ANKHD1: variants seen among roughly 807,000 people sequenced by gnomAD.
ANKHD1 encodes the protein ankyrin repeat and KH domain-containing protein 1.
Under a neutral mutation model 230.5 loss-of-function variants are expected in ANKHD1, and 31 were observed. The observed-to-expected ratio is 0.13, with a 90% CI of 0.10 to 0.18. The LOEUF (loss-of-function observed/expected upper bound fraction) is 0.18, where lower values mean the gene tolerates loss of function less well. ANKHD1 is among the 10% of genes least tolerant of loss of function. ANKHD1 has a pLI of 1.00. For missense variants in ANKHD1, 2,256 were observed against 3,071.3 expected, an observed-to-expected ratio of 0.73 and a Z score of 6.27; for synonymous variants, 1,074 against 1,117.6, an observed-to-expected ratio of 0.96 and a Z score of 0.78.
chr5:140,511,693 A>G (rs1484651580), intron 22 of ANKHD1, among the ~76,000 whole-genome samples: 1 of 152,234 alleles, frequency 6.6e-6, no homozygotes, highest in East Asian at 1.9e-4. Context: ...TGCAATTTAC[A>G]TATAGTGAAA....
At chr5:140,478,587 A>G (rs1751094066) in intron 10 of ANKHD1, among the ~76,000 whole-genome samples, 1 of 152,164 alleles carries the variant, frequency 6.6e-6, no homozygotes, top group Admixed American at 6.5e-5. Context: ...TATAGAAGGT[A>G]AAGGTTCAAA....
chr5:140,489,274 G>A (rs944119897), intron 14 of ANKHD1, among the ~76,000 whole-genome samples: 20 of 151,696 alleles, frequency 1.3e-4, no homozygotes, highest in African/African-American at 4.8e-5. Context: ...TTGGGAGGCC[G>A]AGGCAGAATG....
intron 1 of ANKHD1, among the ~76,000 whole-genome samples, chr5:140,426,493 T>C (rs771322743): frequency 2.6e-4 from 40 of 151,744 alleles, no homozygotes; most frequent in Non-Finnish European, 5.6e-4. Context: ...AGTCTTTCCT[T>C]GAACTTTTTT....
intron 3 of ANKHD1, 85 bp from the exon 4 acceptor site, chr5:140,440,034 T>C: frequency 1.5e-6 from 2 of 1,356,724 alleles, no homozygotes; most frequent in Admixed American, 2.9e-5. Context: ...TTTTTCTTTG[T>C]GTGACTATTT....
At chr5:140,448,699 T>C (rs998287147) in intron 6 of ANKHD1, among the ~76,000 whole-genome samples, 7 of 152,258 alleles carry the variant, frequency 4.6e-5, no homozygotes, top group Non-Finnish European at 1.0e-4. Context: ...TATCATTTCA[T>C]ATCTGTCACC....
At chr5:140,532,004 C>T (rs779153277) in intron 29 of ANKHD1, among the ~76,000 whole-genome samples, 18 of 151,910 alleles carry the variant, frequency 1.2e-4, no homozygotes, top group Non-Finnish European at 1.9e-4. Flanking sequence ...ATCAGAAGTT[C>T]GAGACCAGCC....
At chr5:140,421,596 C>CTTACTTG (rs1771988226) in intron 1 of ANKHD1, among the ~76,000 whole-genome samples, 1 of 152,068 alleles carries the variant, frequency 6.6e-6, no homozygotes, top group African/African-American at 2.4e-5. Context: ...CCACCGTGCC[C>CTTACTTG]GGCCGAGTTT....
intron 10 of ANKHD1, among the ~76,000 whole-genome samples, chr5:140,479,615 C>T (rs1393319204): frequency 2.0e-5 from 3 of 150,776 alleles, no homozygotes; most frequent in Non-Finnish European, 4.4e-5. Context: ...TTATTGATTC[C>T]CATTATATAC....
At chr5:140,536,536 CAA>C (rs1339727102) in intron 30 of ANKHD1, among the ~76,000 whole-genome samples, 1 of 152,022 alleles carries the variant, frequency 6.6e-6, no homozygotes, top group African/African-American at 2.4e-5. Flanking sequence ...CCAAATCACC[CAA>C]GAGTTCCATT....
intron 22 of ANKHD1, among the ~76,000 whole-genome samples, chr5:140,510,731 A>G (rs1287481324): frequency 6.6e-6 from 1 of 152,122 alleles, no homozygotes; most frequent in Non-Finnish European, 1.5e-5. Context: ...TTTAAGAAAA[A>G]CTATTATATG....
At chr5:140,460,494 A>G (rs920537006) in intron 9 of ANKHD1, among the ~76,000 whole-genome samples, 3 of 152,078 alleles carry the variant, frequency 2.0e-5, no homozygotes, top group Non-Finnish European at 4.4e-5. Context: ...TTGAATTATT[A>G]TTGAAATAAT....
At chr5:140,410,426 C>T (rs527577257) in intron 1 of ANKHD1, among the ~76,000 whole-genome samples, 1 of 152,040 alleles carries the variant, frequency 6.6e-6, no homozygotes, top group South Asian at 2.1e-4. Context: ...CAGTTCTGGC[C>T]TTCTGATTCA....
chr5:140,501,518 G>A (rs1445182976), intron 15 of ANKHD1, among the ~76,000 whole-genome samples: 1 of 151,984 alleles, frequency 6.6e-6, no homozygotes, highest in Non-Finnish European at 1.5e-5. Context: ...GGGAGGCCAA[G>A]GCGAGCAGAT....
chr5:140,426,751 A>G (rs1212577912), intron 1 of ANKHD1, among the ~76,000 whole-genome samples: 1 of 152,170 alleles, frequency 6.6e-6, no homozygotes, highest in Admixed American at 6.5e-5. Flanking sequence ...GCATCTGTTT[A>G]ACAAAGCACA....
In ANKHD1 at chr5:140,485,466, G is replaced by T; in HGVS notation, c.1999-123G>T. 4 of 1,314,536 alleles carry T rather than the reference G, an allele frequency of 3.0e-6. No individual in the cohort carries two copies. Among genetic ancestry groups the T allele is most frequent in the Non-Finnish European group, 2.0e-6 (2 of 990,302 alleles). The allele number at this position is 1,314,536 out of a possible 1,614,324, so 81.4% of individuals were successfully genotyped here. ...TATATATATAAATAATATGTGTATAGTTATAAAAATATGTTTGATCTATCT... is the reference window on the plus strand; with the variant it reads ...TATATATATAAATAATATGTGTATATTTATAAAAATATGTTTGATCTATCT... On this transcript the variant is annotated intron_variant, in intron 12 of 33. Coordinates refer to ENST00000360839, the MANE Select transcript of ANKHD1 (RefSeq NM_017747.3). The surrounding 1 kb of genome is among the most constrained non-coding windows in gnomAD (Gnocchi z 4.8).
chr5:140,434,515 G>A (rs992631908), intron 1 of ANKHD1, among the ~76,000 whole-genome samples: 1 of 150,098 alleles, frequency 6.7e-6, no homozygotes, highest in Non-Finnish European at 1.5e-5. Flanking sequence ...CATATATTAT[G>A]TAAATAATAT....
At chr5:140,495,346 C>T (rs188111106) in intron 14 of ANKHD1, among the ~76,000 whole-genome samples, 5 of 151,370 alleles carry the variant, frequency 3.3e-5, no homozygotes, top group Admixed American at 6.6e-5. Flanking sequence ...CCCGGGTTCA[C>T]GCCATTCTCC....
chr5:140,459,301 A>G lies in ANKHD1; in HGVS notation c.1618A>G (p.Met540Val), dbSNP rs974295771. Residue 540 changes from methionine (M) to valine (V), a missense_variant, in exon 9 of 34, where the codon ATG becomes GTG. Physicochemically the swap from Met to Val is conservative, Grantham distance 21. Transcript: ENST00000360839. Reference sequence around the variant, plus strand: ...AGAACTTGGCTGCTCCACACCTCTGATGGAGGCATCTCAGGAGGGACACCT... The same window carrying G: ...AGAACTTGGCTGCTCCACACCTCTGGTGGAGGCATCTCAGGAGGGACACCT... ...DIELGCSTPL[M>V]EASQEGHLEL... 8 of 1,591,328 alleles carry G rather than the reference A, an allele frequency of 5.0e-6. No individual in the cohort carries two copies. The highest frequency in any genetic ancestry group is 6.9e-6 in the Non-Finnish European group (8 of 1,164,576).
chr5:140,445,671 A>G, intron 5 of ANKHD1, 71 bp from the exon 6 acceptor site: 2 of 1,273,224 alleles, frequency 1.6e-6, no homozygotes, highest in Non-Finnish European at 2.0e-6. Flanking sequence ...TTCTTTTTAA[A>G]TCTTTTATTT....
Sources: allele counts gnomAD v4.1 joint callset (sites outside exome capture counted in the v4.1 genomes callset), GRCh38; gene constraint gnomAD v4.1.1; non-coding constraint Gnocchi (gnomAD v3.1); transcripts MANE v1.5; gene names NCBI Gene and HGNC (gene_info 2026-07-23, HGNC 2026-07-21).